The following ADARB1 variants were observed in gnomAD, a reference collection of about 807,000 sequenced individuals.
ADARB1 encodes the protein double-stranded RNA-specific editase 1.
Under a neutral mutation model 52.4 loss-of-function variants are expected in ADARB1, and 10 were observed. That is an observed-to-expected ratio of 0.19 (90% CI 0.12 to 0.32). ADARB1 has a LOEUF of 0.32. Among genes scored for constraint, ADARB1 ranks in the 10% least tolerant of loss-of-function variants. The probability of loss-of-function intolerance (pLI) is 1.00; values close to 1 mark genes in which losing one functional copy is unlikely to be tolerated. For synonymous variants in ADARB1, 349 were observed against 371.1 expected, an observed-to-expected ratio of 0.94 and a Z score of 0.68; for missense variants, 643 against 922.3, an observed-to-expected ratio of 0.70 and a Z score of 3.92.
intron 1 of ADARB1, among the ~76,000 whole-genome samples, chr21:45,126,225 C>T (rs964246683): frequency 5.3e-5 from 8 of 152,216 alleles, no homozygotes; most frequent in African/African-American, 1.4e-4. Flanking sequence ...ATTTTCTTTA[C>T]GGCTGGGATA....
intron 2 of ADARB1, among the ~76,000 whole-genome samples, chr21:45,144,022 C>G (rs568319978): frequency 6.6e-6 from 1 of 152,256 alleles, no homozygotes; most frequent in South Asian, 2.1e-4. Context: ...TGATGTATCT[C>G]AGGCATTTAG....
chr21:45,131,969 G>A (rs1343465380), intron 2 of ADARB1, among the ~76,000 whole-genome samples: 4 of 152,218 alleles, frequency 2.6e-5, no homozygotes, highest in Admixed American at 2.0e-4. Context: ...GGATGGTCAG[G>A]CCAATGAGGG....
chr21:45,185,133 G>T (rs768627595), intron 8 of ADARB1, 42 bp downstream of exon 8: 6 of 1,598,100 alleles, frequency 3.8e-6, no homozygotes, highest in Non-Finnish European at 5.1e-6. Flanking sequence ...CCTGCACACA[G>T]GATTCATCCA....
intron 2 of ADARB1, among the ~76,000 whole-genome samples, chr21:45,164,703 C>T (rs1344009600): frequency 6.6e-6 from 1 of 152,098 alleles, no homozygotes; most frequent in Admixed American, 6.5e-5. Flanking sequence ...AGCACATGGG[C>T]ATGTGTTAGA....
At chr21:45,121,397 A>C (rs1338809203) in intron 1 of ADARB1, among the ~76,000 whole-genome samples, 1 of 152,204 alleles carries the variant, frequency 6.6e-6, no homozygotes, top group Non-Finnish European at 1.5e-5. Context: ...CCGTCTGCAC[A>C]TTGAAGATCT....
intron 2 of ADARB1, among the ~76,000 whole-genome samples, chr21:45,150,651 C>T (rs1267091515): frequency 6.6e-6 from 1 of 152,190 alleles, no homozygotes; most frequent in Non-Finnish European, 1.5e-5. Flanking sequence ...GCCAGAGTGG[C>T]TGGCAGCCCC....
At chr21:45,102,453 C>T (rs1433697882) in intron 1 of ADARB1, among the ~76,000 whole-genome samples, 2 of 152,098 alleles carry the variant, frequency 1.3e-5, no homozygotes, top group Non-Finnish European at 2.9e-5. Context: ...CATAAAACAG[C>T]ATATAAAAAA....
Position 45,224,882 on chromosome 21 carries a change from C to T in ADARB1, c.*2685C>T, listed in dbSNP as rs1029612820. The T allele has an allele frequency of 3.0e-6, 3 of 985,714 alleles. No homozygotes were observed. The highest frequency in any genetic ancestry group is 3.6e-6 in the Non-Finnish European group (3 of 829,914). 61.1% of individuals were successfully genotyped at this position (985,714 alleles called of 1,614,324 possible). A position where few individuals can be genotyped will look rare whatever the true frequency, so the allele number is the denominator to read the frequency against. On this transcript the variant is annotated 3_prime_UTR_variant, in exon 11 of 11. Transcript: ENST00000348831. ...GGGGACCTTAGCACTTTAATCCCTCCCTTCTGAGCGCTCGGTGTGCACTTT... is the reference window on the plus strand; with the variant it reads ...GGGGACCTTAGCACTTTAATCCCTCTCTTCTGAGCGCTCGGTGTGCACTTT...
Position 45,225,668 on chromosome 21 carries a change from TG to T in ADARB1, c.*3473del. ...TGTCTCAAAACAAACACATGTACAGTGGCTCTTTTTCCTTCTCAAACACTTT... is the reference window on the plus strand; with the variant it reads ...TGTCTCAAAACAAACACATGTACAGTGCTCTTTTTCCTTCTCAAACACTTT... On this transcript the variant is annotated 3_prime_UTR_variant, in exon 11 of 11. Transcript: ENST00000348831. 1.0e-6 allele frequency: 1 copy of T among 994,012 alleles called. No homozygotes were observed. 61.6% of individuals were successfully genotyped at this position (994,012 alleles called of 1,614,324 possible). A position where few individuals can be genotyped will look rare whatever the true frequency, so the allele number is the denominator to read the frequency against.
At chr21:45,179,177 G>A (rs546334907) in intron 4 of ADARB1, among the ~76,000 whole-genome samples, 30 of 152,122 alleles carry the variant, frequency 2.0e-4, no homozygotes, top group Non-Finnish European at 3.7e-4. Context: ...CCTCGCGTCC[G>A]CTCACCCCTG....
chr21:45,168,409 G>A (rs2091340958), intron 2 of ADARB1, among the ~76,000 whole-genome samples: 1 of 152,172 alleles, frequency 6.6e-6, no homozygotes, highest in Non-Finnish European at 1.5e-5. Context: ...AGATCCTGAG[G>A]ATTTTCTCCT....
At chr21:45,080,596 C>G (rs911083414) in intron 1 of ADARB1, among the ~76,000 whole-genome samples, 2 of 152,234 alleles carry the variant, frequency 1.3e-5, no homozygotes, top group Admixed American at 1.3e-4. Flanking sequence ...CAGCTTCTTA[C>G]CAGCTTGTGC....
chr21:45,125,997 C>T (rs917726891), intron 1 of ADARB1, among the ~76,000 whole-genome samples: 7 of 152,224 alleles, frequency 4.6e-5, no homozygotes, highest in African/African-American at 1.4e-4. Flanking sequence ...GTGTGCCACA[C>T]AATTCTGTAC....
In ADARB1 at chr21:45,172,250, G is replaced by C. The variant is rs532040866; in HGVS notation, c.28+566G>C. Reference sequence around the variant, plus strand: ...GGGTGGTGGAAGGCCGCTGGGGTACGTTGGTGTTTCGGTGAAGGTACTTAT... The same window carrying C: ...GGGTGGTGGAAGGCCGCTGGGGTACCTTGGTGTTTCGGTGAAGGTACTTAT... On this transcript the variant is annotated intron_variant, in intron 3 of 10. Coordinates refer to ENST00000348831, the MANE Select transcript of ADARB1 (RefSeq NM_001112.4). This position sits in a 1 kb window ranked among gnomAD's most constrained non-coding sequence, Gnocchi z 4.4. 2.6e-5 allele frequency among the ~76,000 whole-genome samples: 4 copies of C among 152,244 alleles called. No individual in the cohort carries two copies. Among genetic ancestry groups the C allele is most frequent in the African/African-American group, 9.6e-5 (4 of 41,526 alleles).
intron 1 of ADARB1, among the ~76,000 whole-genome samples, chr21:45,085,461 CG>C (rs139298327): frequency 0.017 from 2,553 of 152,330 alleles, 22 homozygotes; most frequent in Non-Finnish European, 0.021. Context: ...GAAACTTCAG[CG>C]CCGTGGCTGC....
intron 9 of ADARB1, among the ~76,000 whole-genome samples, chr21:45,218,995 C>T (rs548962778): frequency 3.5e-4 from 54 of 152,220 alleles, no homozygotes; most frequent in Non-Finnish European, 6.5e-4. Flanking sequence ...TATTCAATTC[C>T]GAGTTATGCA....
chr21:45,173,019 A>G (rs1452300059), intron 3 of ADARB1, among the ~76,000 whole-genome samples: 7 of 152,168 alleles, frequency 4.6e-5, no homozygotes, highest in Non-Finnish European at 1.0e-4. Context: ...TAGCCCACCA[A>G]CGGAGCATGT....
intron 1 of ADARB1, among the ~76,000 whole-genome samples, chr21:45,096,163 G>A (rs1427088530): frequency 6.6e-6 from 1 of 152,246 alleles, no homozygotes; most frequent in Non-Finnish European, 1.5e-5. Flanking sequence ...CGTGGCAGGA[G>A]AAGAAACCCT....
intron 2 of ADARB1, chr21:45,134,684 C>G: frequency 2.3e-6 from 1 of 441,632 alleles, no homozygotes; most frequent in South Asian, 1.6e-5. Flanking sequence ...AAAAGACTTG[C>G]ACAGATTTTT....
Sources: gnomAD v4.1 joint callset for allele counts (sites outside exome capture counted in the v4.1 genomes callset) on GRCh38, gnomAD v4.1.1 for gene constraint, Gnocchi (gnomAD v3.1) non-coding constraint, MANE v1.5 for transcripts, NCBI Gene and HGNC (gene_info 2026-07-23, HGNC 2026-07-21) for gene names.